Variants in CDH23 observed in about 807,000 individuals in gnomAD.
CDH23 encodes cadherin related 23.
CDH23 carries 189 observed loss-of-function variants against 317.1 expected under a neutral mutation model. The observed-to-expected ratio is 0.60, with a 90% CI of 0.53 to 0.67. The LOEUF (loss-of-function observed/expected upper bound fraction) is 0.67, where lower values mean the gene tolerates loss of function less well. CDH23 is among the 30% of genes least tolerant of loss of function. The probability of loss-of-function intolerance (pLI) is 0.00; values close to 1 mark genes in which losing one functional copy is unlikely to be tolerated. For missense variants in CDH23, 4,401 were observed against 4,592.4 expected (o/e 0.96, Z 1.20); for synonymous variants, 1,839 against 1,876.8 (o/e 0.98, Z 0.52).
intron 14 of CDH23, among the ~76,000 whole-genome samples, chr10:71,674,811 A>G (rs1864289562): frequency 6.6e-6 from 1 of 152,252 alleles, no homozygotes. Context: ...AAGCCACAAA[A>G]GCCAAACCCC....
At chr10:71,626,164 T>G (rs1055994606) in intron 11 of CDH23, among the ~76,000 whole-genome samples, 1 of 152,368 alleles carries the variant, frequency 6.6e-6, no homozygotes, top group South Asian at 2.1e-4. Flanking sequence ...GTTGGCTCTG[T>G]GGTTCCTTGT....
chr10:71,646,127 G>C, intron 13 of CDH23, 147 bp downstream of exon 13: 1 of 1,094,492 alleles, frequency 9.1e-7, no homozygotes, highest in East Asian at 2.5e-5. Context: ...CCCTCCAAGA[G>C]ACGGCAGGGG....
At chr10:71,675,503 G>C (rs1044809087) in intron 15 of CDH23, among the ~76,000 whole-genome samples, 1 of 152,232 alleles carries the variant, frequency 6.6e-6, no homozygotes. Context: ...GCCAGCCGCA[G>C]TTACTACATG....
intron 41 of CDH23, 78 bp downstream of exon 41, chr10:71,779,525 C>A: frequency 1.6e-6 from 2 of 1,287,458 alleles, no homozygotes; most frequent in Non-Finnish European, 2.1e-6. Flanking sequence ...AGGGAGGTCT[C>A]AAGGCATTTG....
In CDH23 at chr10:71,751,192, C is replaced by A. The variant is rs2132863425; in HGVS notation, c.4845+9271C>A. 1 of 1,561,796 alleles carries A rather than the reference C, an allele frequency of 6.4e-7. No individual in the cohort carries two copies. Among genetic ancestry groups the A allele is most frequent in the Non-Finnish European group, 8.7e-7 (1 of 1,147,080 alleles). ...CCAAGGAGGCCACTCACAGAGCCAG[C>A]CCTGGCTCAAATGCACCTGCCCCAG... On this transcript the variant is annotated intron_variant, in intron 38 of 69. Transcript: ENST00000224721. The surrounding 1 kb of genome is among the most constrained non-coding windows in gnomAD (Gnocchi z 4.9).
chr10:71,751,289 G>T lies in CDH23; in HGVS notation c.4845+9368G>T, dbSNP rs774317917. ...CAAAGTTTGGAGAGTCAGGGACAGG[G>T]TCTGCAAGAAAAGGAGAAGCAAAGT... On this transcript the variant is annotated intron_variant, in intron 38 of 69. Coordinates refer to ENST00000224721, the MANE Select transcript of CDH23 (RefSeq NM_022124.6). The surrounding 1 kb of genome is among the most constrained non-coding windows in gnomAD (Gnocchi z 4.9). 5.0e-6 allele frequency: 8 copies of T among 1,610,100 alleles called. No individual in the cohort carries two copies. The South Asian group carries it at 8.9e-5, about 18-fold the overall frequency.
rs182260167 is a variant in CDH23 at position 71,741,747 on chromosome 10, C to T, written c.4671C>T (p.Ile1557=). ...VVQVRATDRD[I]GINSVLSYYI... is the part of the protein sequence containing the mutation. The stretch of plus-strand genomic sequence containing the variant: ...AGGTGAGAGCCACTGACCGTGACAT[C>T]GGGATCAACAGTGTTCTGTCCTACT... Residue 1557 remains isoleucine (I), a synonymous_variant, in exon 38 of 70, where the codon ATC becomes ATT. Transcript: ENST00000224721. 1.6e-5 allele frequency: 26 copies of T among 1,612,532 alleles called. No homozygotes were observed. Among genetic ancestry groups the T allele is most frequent in the African/African-American group, 4.0e-5 (3 of 75,046 alleles).
At chr10:71,575,301 T>G (rs1858110619) in intron 8 of CDH23, among the ~76,000 whole-genome samples, 1 of 152,096 alleles carries the variant, frequency 6.6e-6, no homozygotes, top group Non-Finnish European at 1.5e-5. Context: ...CAGGCCCAAA[T>G]AAAGTAACAA....
At chr10:71,746,402 C>A (rs1251836644) in intron 38 of CDH23, among the ~76,000 whole-genome samples, 2 of 152,230 alleles carry the variant, frequency 1.3e-5, no homozygotes, top group Admixed American at 1.3e-4. Context: ...CCTAGGCCAC[C>A]CCCATCCGGC....
chr10:71,581,305 G>A (rs1010178447), intron 9 of CDH23, among the ~76,000 whole-genome samples: 1 of 152,194 alleles, frequency 6.6e-6, no homozygotes, highest in Non-Finnish European at 1.5e-5. Flanking sequence ...GAGCCAAATG[G>A]AGAGTCCTGA....
At chr10:71,647,567 A>T (rs1390886189) in intron 14 of CDH23, 1 of 152,242 alleles carries the variant, frequency 6.6e-6, no homozygotes, top group Admixed American at 6.5e-5. Flanking sequence ...GTATTGGCAA[A>T]GAGGGGCACC....
chr10:71,523,853 C>T (rs1394871604), intron 6 of CDH23, among the ~76,000 whole-genome samples: 3 of 152,174 alleles, frequency 2.0e-5, no homozygotes, highest in South Asian at 2.1e-4. Context: ...CTCATCCCGG[C>T]CCCCTCTCCA....
At chr10:71,736,893 G>A (rs1412914175) in intron 34 of CDH23, among the ~76,000 whole-genome samples, 1 of 152,200 alleles carries the variant, frequency 6.6e-6, no homozygotes, top group African/African-American at 2.4e-5. Flanking sequence ...AACTAGAAGA[G>A]GGCTTCCCTG....
Position 71,679,616 on chromosome 10 carries a change from G to A in CDH23, c.1858+124G>A. ...CTCCCTGACACTCTGGGCTACTCAG[G>A]AAGCTGCCCGGAGCACCTGGGGTGG... On this transcript the variant is annotated intron_variant, in intron 17 of 69. Coordinates refer to ENST00000224721, the MANE Select transcript of CDH23 (RefSeq NM_022124.6). 3.8e-6 allele frequency: 3 copies of A among 782,522 alleles called. No individual in the cohort carries two copies. In the South Asian group the frequency reaches 4.9e-5, roughly 13 times the overall value. The allele number at this position is 782,522 out of a possible 1,614,324, so 48.5% of individuals were successfully genotyped here.
At chr10:71,430,420 A>C (rs1224375339) in intron 1 of CDH23, among the ~76,000 whole-genome samples, 3 of 152,184 alleles carry the variant, frequency 2.0e-5, no homozygotes, top group African/African-American at 2.4e-5. Context: ...AACAGCTATG[A>C]AAATATGAAA....
chr10:71,417,329 G>A (rs997760665), intron 1 of CDH23, among the ~76,000 whole-genome samples: 4 of 151,974 alleles, frequency 2.6e-5, no homozygotes, highest in East Asian at 3.9e-4. Flanking sequence ...CGCCTGCCTC[G>A]GCCTCCCAAA....
Position 71,732,250 on chromosome 10 carries a change from G to T in CDH23, c.3979G>T (p.Ala1327Ser), listed in dbSNP as rs745409129. Residue 1327 changes from alanine (A) to serine (S), a missense_variant, in exon 32 of 70, where the codon GCA becomes TCA. Ala to Ser is a moderately conservative substitution (Grantham distance 99, BLOSUM62 1). Transcript: ENST00000224721. ...SYEAAILENL[A>S]LGTEIVRVQA... ...CGAGGCTGCCATCCTGGAGAATCTG[G>T]CACTGGGTACTGAGATTGTGCGGGT... is the stretch of plus-strand genomic sequence containing the variant. The T allele has an allele frequency of 1.2e-6, 2 of 1,613,604 alleles. No homozygotes were observed. The highest frequency in any genetic ancestry group is 4.5e-5 in the East Asian group (2 of 44,886).
intron 28 of CDH23, chr10:71,713,328 G>T: frequency 1.3e-6 from 1 of 777,196 alleles, no homozygotes; most frequent in South Asian, 1.3e-5. Context: ...AAAACAATTT[G>T]GGTGTGCACC....
At chr10:71,413,791 C>A (rs2131927662) in intron 1 of CDH23, among the ~76,000 whole-genome samples, 1 of 152,178 alleles carries the variant, frequency 6.6e-6, no homozygotes. Context: ...GCTTCAGCTT[C>A]CCAAGCAGCT....
Sources: gnomAD v4.1 joint callset for allele counts (sites outside exome capture counted in the v4.1 genomes callset) on GRCh38, gnomAD v4.1.1 for gene constraint, Gnocchi (gnomAD v3.1) non-coding constraint, MANE v1.5 for transcripts, NCBI Gene and HGNC (gene_info 2026-07-23, HGNC 2026-07-21) for gene names.